Variants in ELP4 observed in about 807,000 individuals in gnomAD.
ELP4 encodes the protein elongator complex protein 4.
ELP4 carries 51 observed loss-of-function variants against 48.9 expected under a neutral mutation model. The observed-to-expected ratio is 1.04, with a 90% confidence interval of 0.83 to 1.32. The LOEUF (loss-of-function observed/expected upper bound fraction) is 1.32, where lower values mean the gene tolerates loss of function less well. Ranked by LOEUF, ELP4 falls within the 40% of genes most tolerant of loss-of-function variation. ELP4 has a pLI of 0.00. For synonymous variants in ELP4, 210 were observed against 189.2 expected (o/e 1.11, Z -0.90); for missense variants, 519 against 514.6 (o/e 1.01, Z -0.08).
At chr11:31,637,853 C>A (rs1296309215) in intron 7 of ELP4, among the ~76,000 whole-genome samples, 1 of 151,980 alleles carries the variant, frequency 6.6e-6, no homozygotes, top group East Asian at 1.9e-4. Flanking sequence ...TGACCAATAA[C>A]ACTTATTCTT....
At chr11:31,568,044 C>T (rs1407196335) in intron 3 of ELP4, among the ~76,000 whole-genome samples, 1 of 152,106 alleles carries the variant, frequency 6.6e-6, no homozygotes, top group African/African-American at 2.4e-5. Flanking sequence ...CACAGTAGAG[C>T]TTTTTTCAAA....
chr11:31,672,334 T>TA (rs1423752964), intron 9 of ELP4, among the ~76,000 whole-genome samples: 1 of 152,238 alleles, frequency 6.6e-6, no homozygotes, highest in African/African-American at 2.4e-5. Context: ...GTACGATTAT[T>TA]ACTTTTTTAA....
intron 9 of ELP4, among the ~76,000 whole-genome samples, chr11:31,669,964 A>G (rs1352099119): frequency 1.3e-5 from 2 of 152,150 alleles, no homozygotes; most frequent in Admixed American, 1.3e-4. Context: ...CTTAACATCT[A>G]ACTCAGTCTT....
chr11:31,533,532 C>T (rs1031490607), intron 2 of ELP4, among the ~76,000 whole-genome samples: 13 of 151,592 alleles, frequency 8.6e-5, no homozygotes, highest in African/African-American at 3.2e-4. Context: ...CGCCGGCCAT[C>T]AAGCCCGGCT....
At chr11:31,520,219 G>A in intron 2 of ELP4, 128 bp downstream of exon 2, 2 of 733,622 alleles carry the variant, frequency 2.7e-6, no homozygotes, top group Non-Finnish European at 4.2e-6. Flanking sequence ...AAATTAGAGA[G>A]GAATTGACTT....
chr11:31,661,763 G>T (rs577550029), intron 9 of ELP4, among the ~76,000 whole-genome samples: 2 of 151,924 alleles, frequency 1.3e-5, no homozygotes, highest in Non-Finnish European at 2.9e-5. Flanking sequence ...AAGGTTTTAC[G>T]TAAGTAAAAC....
At chr11:31,640,522 A>G (rs1318972596) in intron 7 of ELP4, among the ~76,000 whole-genome samples, 1 of 151,896 alleles carries the variant, frequency 6.6e-6, no homozygotes, top group African/African-American at 2.4e-5. Flanking sequence ...CCTATTAATT[A>G]CATTATTATT....
At chr11:31,739,148 G>C (rs1352735289) in intron 9 of ELP4, among the ~76,000 whole-genome samples, 1 of 151,932 alleles carries the variant, frequency 6.6e-6, no homozygotes, top group African/African-American at 2.4e-5. Flanking sequence ...CATGACAAAT[G>C]GGGAATGTTA....
At chr11:31,763,222 T>C (rs1401563099) in intron 9 of ELP4, among the ~76,000 whole-genome samples, 3 of 152,238 alleles carry the variant, frequency 2.0e-5, no homozygotes, top group Non-Finnish European at 2.9e-5. Flanking sequence ...CTTAAAAATA[T>C]CCAAATATAA....
chr11:31,754,449 C>T (rs1011319684), intron 9 of ELP4, among the ~76,000 whole-genome samples: 1 of 152,142 alleles, frequency 6.6e-6, no homozygotes, highest in African/African-American at 2.4e-5. Flanking sequence ...CTTGCACCTA[C>T]TGTACCCTAT....
At chr11:31,700,105 C>G (rs1210331412) in intron 9 of ELP4, among the ~76,000 whole-genome samples, 1 of 151,936 alleles carries the variant, frequency 6.6e-6, no homozygotes, top group Non-Finnish European at 1.5e-5. Context: ...ATGTCCTTGT[C>G]TTAAGAAGTA....
chr11:31,698,694 T>C (rs965881792), intron 9 of ELP4, among the ~76,000 whole-genome samples: 3 of 152,156 alleles, frequency 2.0e-5, no homozygotes, highest in Non-Finnish European at 4.4e-5. Context: ...ATTACAGGCA[T>C]GAGCACCATG....
intron 3 of ELP4, among the ~76,000 whole-genome samples, chr11:31,587,363 A>G (rs563194887): frequency 1.1e-4 from 16 of 152,248 alleles, no homozygotes; most frequent in South Asian, 1.0e-3. Context: ...AATAGGGGGG[A>G]AAAAAACGAG....
intron 9 of ELP4, among the ~76,000 whole-genome samples, chr11:31,776,280 C>T (rs534762680): frequency 6.6e-6 from 1 of 151,962 alleles, no homozygotes; most frequent in Non-Finnish European, 1.5e-5. Flanking sequence ...GGCAGGGGCT[C>T]TCTTGCCAAG....
intron 9 of ELP4, chr11:31,767,926 C>G (rs1948073087): frequency 6.6e-6 from 1 of 152,136 alleles, no homozygotes; most frequent in Non-Finnish European, 1.5e-5. Context: ...CACCAAGATC[C>G]TTTTCAAATT....
chr11:31,766,118 G>A (rs530965917), intron 9 of ELP4, among the ~76,000 whole-genome samples: 1 of 151,914 alleles, frequency 6.6e-6, no homozygotes, highest in African/African-American at 2.4e-5. Context: ...AATCAAAAAT[G>A]TGTACATTAA....
At chr11:31,550,319 C>T (rs1050067456) in intron 3 of ELP4, among the ~76,000 whole-genome samples, 32 of 151,866 alleles carry the variant, frequency 2.1e-4, no homozygotes, top group African/African-American at 6.5e-4. Flanking sequence ...CAGAATTTGG[C>T]GCATGATGGA....
rs61458094 is a variant in ELP4, at chr11:31,593,227, C to CTGTTGTTGTTGTTGT, written c.382-1514_382-1500dup. Among the ~76,000 whole-genome samples the CTGTTGTTGTTGTTGT allele has an allele frequency of 8.6e-3, 1,294 of 150,002 alleles. 11 individuals are homozygous for CTGTTGTTGTTGTTGT. Among genetic ancestry groups the CTGTTGTTGTTGTTGT allele is most frequent in the Middle Eastern group, 0.017 (5 of 294 alleles). ...CAACAACCCATTGAAGTGAATAATA[C>CTGTTGTTGTTGTTGT]TGTTGTTGTTGTTGTTGTTGTTGTT... On this transcript the variant is annotated intron_variant, in intron 3 of 9. Coordinates refer to ENST00000640961, the MANE Select transcript of ELP4 (RefSeq NM_019040.5).
intron 9 of ELP4, among the ~76,000 whole-genome samples, chr11:31,742,351 A>G (rs1487465413): frequency 6.6e-6 from 1 of 152,196 alleles, no homozygotes. Flanking sequence ...AACTTCCCCA[A>G]TCTAGCAAGG....
Sources: gnomAD v4.1 joint callset for allele counts (sites outside exome capture counted in the v4.1 genomes callset) on GRCh38, gnomAD v4.1.1 for gene constraint, MANE v1.5 for transcripts, NCBI Gene and HGNC (gene_info 2026-07-23, HGNC 2026-07-21) for gene names.